The following APC2 variants were observed in gnomAD, a reference collection of about 807,000 sequenced individuals.
APC2 encodes the protein adenomatous polyposis coli protein 2.
APC2 carries 41 observed loss-of-function variants against 72.5 expected under a neutral mutation model. The observed-to-expected ratio is 0.57, with a 90% confidence interval of 0.44 to 0.73. The LOEUF (loss-of-function observed/expected upper bound fraction) is 0.73, where lower values mean the gene tolerates loss of function less well. Among genes scored for constraint, APC2 ranks in the 30% least tolerant of loss-of-function variants. The pLI is 0.00. For missense variants in APC2, 3,729 were observed against 3,403.4 expected, an observed-to-expected ratio of 1.10 and a Z score of -2.38; for synonymous variants, 1,898 against 1,612.0, an observed-to-expected ratio of 1.18 and a Z score of -4.25.
rs761724955 is a variant in APC2 at position 1,457,601 on chromosome 19, A to G, written c.1207+358A>G. ...TGATCCCAGCACTTTGGAAGGCAGA[A>G]GCAGGAGAATTGCTTGAGCCCAGGA... On this transcript the variant is annotated intron_variant, in intron 9 of 14. Coordinates refer to ENST00000590469, the MANE Select transcript of APC2 (RefSeq NM_005883.3). 12 of 500,320 alleles carry G rather than the reference A, an allele frequency of 2.4e-5. No homozygotes were observed. The Admixed American group carries it at 2.9e-4, about 12-fold the overall frequency. 31.0% of individuals were successfully genotyped at this position (500,320 alleles called of 1,614,324 possible).
intron 9 of APC2, 183 bp downstream of exon 9, chr19:1,457,426 G>T (rs1418397012): frequency 5.8e-6 from 5 of 855,004 alleles, no homozygotes; most frequent in Admixed American, 7.1e-5. Flanking sequence ...GCCCATGATC[G>T]TACCTGGCGC....
In APC2 at chr19:1,466,011, G is replaced by A. The variant is rs1438690403; in HGVS notation, c.2710G>A (p.Glu904Lys). ...CCGCGGCCCGGAGGGCGGGCGGCGA[G>A]AGGCAGGAAGCCGGGCGCACCCGCT... ...PCRGPEGGRR[E>K]AGSRAHPLLR... The change falls in exon 15 of 15, where the codon GAG becomes AAG. Residue 904 changes from glutamate to lysine, a missense_variant. Transcript: ENST00000590469. The A allele has an allele frequency of 4.0e-6, 6 of 1,499,804 alleles. No individual in the cohort carries two copies. The South Asian group carries it at 7.8e-5, about 19-fold the overall frequency. The allele number at this position is 1,499,804 out of a possible 1,614,324, so 92.9% of individuals were successfully genotyped here.
At chr19:1,447,616 G>T (rs894017719), upstream of APC2, among the ~76,000 whole-genome samples, 4 of 151,790 alleles carry the variant, frequency 2.6e-5, no homozygotes, top group African/African-American at 9.7e-5. Context: ...TGATGTCTGA[G>T]TGTGGCTGTG....
chr19:1,465,677 C>T lies in APC2; in HGVS notation c.2376C>T (p.Ala792=). ...DAPSSLAAAA[A]TGEPASPAAL... is the part of the protein sequence containing the mutation. ...CGTCATCCCTGGCTGCGGCCGCGGC[C>T]ACCGGGGAGCCAGCCAGCCCTGCCG... The change falls in exon 15 of 15, where the codon GCC becomes GCT. Residue 792 remains alanine, a synonymous_variant. Transcript: ENST00000590469. 6.3e-7 allele frequency: 1 copy of T among 1,595,536 alleles called. No homozygotes were observed. The highest frequency in any genetic ancestry group is 8.5e-7 in the Non-Finnish European group (1 of 1,172,902).
chr19:1,463,539 G>T (rs10416666), intron 14 of APC2, among the ~76,000 whole-genome samples: 31,821 of 150,222 alleles, frequency 0.21, 8,253 homozygotes, highest in African/African-American at 0.62. Flanking sequence ...GCCAGGATAA[G>T]GCCATTGCAC....
At chr19:1,457,360 G>A in intron 9 of APC2, 117 bp downstream of exon 9, 3 of 1,383,844 alleles carry the variant, frequency 2.2e-6, no homozygotes, top group Non-Finnish European at 2.8e-6. Context: ...GTTGGAGGCT[G>A]CAGTACCAGG....
At chr19:1,460,920 A>G in intron 12 of APC2, 63 bp downstream of exon 12, 1 of 1,598,990 alleles carries the variant, frequency 6.3e-7, no homozygotes, top group South Asian at 1.1e-5. Context: ...GCCCCTCCCC[A>G]GCGGTGTGGT....
At chr19:1,451,919 T>C (rs1478972986) in intron 1 of APC2, 1 of 152,370 alleles carries the variant, frequency 6.6e-6, no homozygotes, top group Non-Finnish European at 1.5e-5. Flanking sequence ...AGAGAACAAA[T>C]GACGGGTGAA....
upstream of APC2, among the ~76,000 whole-genome samples, chr19:1,448,544 TAAAA>T (rs547873034): frequency 4.8e-5 from 4 of 82,702 alleles, no homozygotes; most frequent in Admixed American, 1.4e-4. Context: ...AGACCCCATC[TAAAA>T]AAAAAAAAAA....
chr19:1,453,648 A>T (rs1481137901), intron 4 of APC2, 37 bp downstream of exon 4: 1 of 1,564,640 alleles, frequency 6.4e-7, no homozygotes, highest in African/African-American at 1.4e-5. Context: ...GGGCAGCTGG[A>T]GCATGACTCG....
rs1223547300 is a variant in APC2, at chr19:1,466,622, G to T, written c.3321G>T (p.Glu1107Asp). The change falls in exon 15 of 15, where the codon GAG becomes GAT. Residue 1107 changes from glutamate to aspartate, a missense_variant. Transcript: ENST00000590469. ...LEGLEEAGPS[E>D]AELDSTWRAP... ...GGCTGGAGGAGGCCGGCCCCAGCGA[G>T]GCTGAGCTGGACAGCACGTGGCGGG... 6 of 1,521,520 alleles carry T rather than the reference G, an allele frequency of 3.9e-6. No individual in the cohort carries two copies. Among genetic ancestry groups the T allele is most frequent in the Non-Finnish European group, 5.3e-6 (6 of 1,138,422 alleles). The allele number at this position is 1,521,520 out of a possible 1,614,324, so 94.3% of individuals were successfully genotyped here. A position where few individuals can be genotyped will look rare whatever the true frequency, so the allele number is the denominator to read the frequency against.
Position 1,467,099 on chromosome 19 carries a change from G to T in APC2, c.3798G>T (p.Glu1266Asp), listed in dbSNP as rs1164449712. The change falls in exon 15 of 15, where the codon GAG becomes GAT. Residue 1266 changes from glutamate (E) to aspartate (D), a missense_variant. Coordinates refer to ENST00000590469, the MANE Select transcript of APC2 (RefSeq NM_005883.3). ...CAGGCAGCGTGCGCTTTACCGTGGAGAAGCCAGACGAGAACTTCTCGTGCG... is the reference window on the plus strand; with the variant it reads ...CAGGCAGCGTGCGCTTTACCGTGGATAAGCCAGACGAGAACTTCTCGTGCG... ...LDAGSVRFTVEKPDENFSCAS... is the reference protein window; with the variant it reads ...LDAGSVRFTVDKPDENFSCAS... 1 of 1,605,014 alleles carries T rather than the reference G, an allele frequency of 6.2e-7. No individual in the cohort carries two copies.
rs867408415 is a variant in APC2 at position 1,469,797 on chromosome 19, G to A, written c.6496G>A (p.Ala2166Thr). The stretch of plus-strand genomic sequence containing the variant: ...CCTGCGCAGCACGCTTCCCGCCACG[G>A]CCCTGCCACTGCGGGGCTCCACGCC... Reference protein sequence around the residue: ...HILRSTLPATALPLRGSTPED... With the variant: ...HILRSTLPATTLPLRGSTPED... The change falls in exon 15 of 15, where the codon GCC becomes ACC. Residue 2166 changes from alanine to threonine, a missense_variant. Transcript: ENST00000590469. The A allele has an allele frequency of 1.3e-6, 2 of 1,520,670 alleles. No homozygotes were observed. The highest frequency in any genetic ancestry group is 2.0e-5 in the Admixed American group (1 of 50,104). 94.2% of individuals were successfully genotyped at this position (1,520,670 alleles called of 1,614,324 possible). A position where few individuals can be genotyped will look rare whatever the true frequency, so the allele number is the denominator to read the frequency against.
upstream of APC2, among the ~76,000 whole-genome samples, chr19:1,446,863 C>T (rs1190203688): frequency 1.3e-5 from 2 of 152,230 alleles, no homozygotes; most frequent in Non-Finnish European, 2.9e-5. This position sits in a 1 kb window ranked among gnomAD's most constrained non-coding sequence, Gnocchi z 6.1. Flanking sequence ...GCTTCTCCAG[C>T]CTCCGGAATC....
Position 1,467,122 on chromosome 19 carries a change from G to C in APC2, c.3821G>C (p.Cys1274Ser), listed in dbSNP as rs1362393929. Residue 1274 changes from cysteine (C) to serine (S), a missense_variant, in exon 15 of 15, where the codon TGC becomes TCC. Cys to Ser is a moderately radical substitution (Grantham distance 112). Transcript: ENST00000590469. ...TVEKPDENFS[C>S]ASSLSALALH... Reference sequence around the variant, plus strand: ...GAGAAGCCAGACGAGAACTTCTCGTGCGCCTCCAGCCTCAGCGCGCTGGCC... The same window carrying C: ...GAGAAGCCAGACGAGAACTTCTCGTCCGCCTCCAGCCTCAGCGCGCTGGCC... 1 of 1,594,904 alleles carries C rather than the reference G, an allele frequency of 6.3e-7. No homozygotes were observed. Among genetic ancestry groups the C allele is most frequent in the South Asian group, 1.1e-5 (1 of 89,936 alleles).
chr19:1,470,403 G>T lies in APC2; in HGVS notation c.*190G>T. The T allele has an allele frequency of 1.2e-6, 1 of 849,350 alleles. No homozygotes were observed. Among genetic ancestry groups the T allele is most frequent in the Non-Finnish European group, 1.7e-6 (1 of 589,208 alleles). 52.6% of individuals were successfully genotyped at this position (849,350 alleles called of 1,614,324 possible). A position where few individuals can be genotyped will look rare whatever the true frequency, so the allele number is the denominator to read the frequency against. The stretch of plus-strand genomic sequence containing the variant: ...CCTCACCGGAAGACCTTGCCTCTGT[G>T]CCGCGGAGGTCCAGGAGGAAACGGG... On this transcript the variant is annotated 3_prime_UTR_variant, in exon 15 of 15. Coordinates refer to ENST00000590469, the MANE Select transcript of APC2 (RefSeq NM_005883.3).
Position 1,469,025 on chromosome 19 carries a change from G to T in APC2, c.5724G>T (p.Val1908=). Residue 1908 remains valine (V), a synonymous_variant, in exon 15 of 15, where the codon GTG becomes GTT. Coordinates refer to ENST00000590469, the MANE Select transcript of APC2 (RefSeq NM_005883.3). ...GALPGPGASP[V]PKTPARTLLA... ...TGCCCGGCCCCGGAGCCTCCCCGGT[G>T]CCCAAAACGCCGGCGCGCACCCTTC... 1 of 1,545,738 alleles carries T rather than the reference G, an allele frequency of 6.5e-7. No homozygotes were observed.
chr19:1,468,172 C>G lies in APC2; in HGVS notation c.4871C>G (p.Ala1624Gly). The G allele has an allele frequency of 6.9e-7, 1 of 1,452,814 alleles. No individual in the cohort carries two copies. The highest frequency in any genetic ancestry group is 9.0e-7 in the Non-Finnish European group (1 of 1,111,746). 90.0% of individuals were successfully genotyped at this position (1,452,814 alleles called of 1,614,324 possible). The change falls in exon 15 of 15, where the codon GCC becomes GGC. Residue 1624 changes from alanine (A) to glycine (G), a missense_variant. By Grantham distance (60) the Ala-to-Gly change is moderately conservative. Coordinates refer to ENST00000590469, the MANE Select transcript of APC2 (RefSeq NM_005883.3). ...GGRDSSPSPR[A>G]AEELLQRCIS... is the part of the protein sequence containing the mutation. ...CGCGACAGCTCGCCCAGCCCGCGGG[C>G]CGCGGAGGAGCTTCTGCAGCGGTGC...
rs2083827713 is a variant in APC2 at position 1,456,412 on chromosome 19, G to A, written c.816+8G>A. 1 of 1,593,316 alleles carries A rather than the reference G, an allele frequency of 6.3e-7. No individual in the cohort carries two copies. Among genetic ancestry groups the A allele is most frequent in the African/African-American group, 1.3e-5 (1 of 74,478 alleles). ...CAGCCGGGCAACAGCAAGGTGAGGG[G>A]GAGGGTGAAACGGGGGCTGGCGCAG... On this transcript the variant is annotated splice_region_variant and intron_variant, in intron 8 of 14. Coordinates refer to ENST00000590469, the MANE Select transcript of APC2 (RefSeq NM_005883.3).
Sources: gnomAD v4.1 joint callset for allele counts (sites outside exome capture counted in the v4.1 genomes callset) on GRCh38, gnomAD v4.1.1 for gene constraint, Gnocchi (gnomAD v3.1) non-coding constraint, MANE v1.5 for transcripts, NCBI Gene and HGNC (gene_info 2026-07-23, HGNC 2026-07-21) for gene names.